The following CDH13 variants were observed in gnomAD, a reference collection of about 807,000 sequenced individuals.
CDH13 encodes the protein cadherin 13, also known as cadherin-13.
In CDH13, 24 loss-of-function variants were observed where a neutral mutation model predicts 63.8. That is an observed-to-expected ratio of 0.38 (90% CI 0.27 to 0.53). CDH13 has a LOEUF of 0.53. CDH13 is among the 20% of genes least tolerant of loss of function. CDH13 has a pLI of 0.85. For synonymous variants in CDH13, 503 were observed against 355.3 expected, an observed-to-expected ratio of 1.42 and a Z score of -4.67; for missense variants, 1,049 against 903.1, an observed-to-expected ratio of 1.16 and a Z score of -2.07.
chr16:82,909,901 C>T (rs1178807499), intron 2 of CDH13, among the ~76,000 whole-genome samples: 2 of 152,170 alleles, frequency 1.3e-5, no homozygotes, highest in Non-Finnish European at 2.9e-5. Flanking sequence ...GGACATTTTT[C>T]ATGTGCACCA....
At chr16:83,227,032 T>C (rs867760067) in intron 5 of CDH13, among the ~76,000 whole-genome samples, 15 of 152,352 alleles carry the variant, frequency 9.8e-5, no homozygotes, top group Admixed American at 8.5e-4. Flanking sequence ...GTTGTCCTCC[T>C]ACGCTGGGAC....
chr16:82,977,007 C>G (rs886490220), intron 2 of CDH13, among the ~76,000 whole-genome samples: 18 of 152,208 alleles, frequency 1.2e-4, no homozygotes, highest in African/African-American at 4.3e-4. Flanking sequence ...TCACCCCCAA[C>G]AAATGGTGCT....
intron 7 of CDH13, among the ~76,000 whole-genome samples, chr16:83,558,169 G>T (rs1468257411): frequency 6.6e-6 from 1 of 152,182 alleles, no homozygotes; most frequent in Non-Finnish European, 1.5e-5. Context: ...AGAGGGGCTA[G>T]AGTTTGAGAC....
chr16:82,672,107 C>T (rs974126239), intron 1 of CDH13, among the ~76,000 whole-genome samples: 32 of 152,222 alleles, frequency 2.1e-4, no homozygotes, highest in Middle Eastern at 6.8e-3. Context: ...GAAGCTGGGC[C>T]GATTGGATTT....
intron 6 of CDH13, among the ~76,000 whole-genome samples, chr16:83,437,697 A>G (rs374405055): frequency 3.3e-5 from 5 of 152,276 alleles, no homozygotes; most frequent in East Asian, 3.9e-4. Flanking sequence ...AATTAAAAAA[A>G]ATAAAGGCTT....
At chr16:83,166,889 C>T (rs1359139495) in intron 4 of CDH13, among the ~76,000 whole-genome samples, 3 of 152,094 alleles carry the variant, frequency 2.0e-5, no homozygotes, top group African/African-American at 7.2e-5. Context: ...TGCAAATCTC[C>T]CAAATGTTTC....
At chr16:82,846,871 C>G (rs918757280) in intron 1 of CDH13, among the ~76,000 whole-genome samples, 3 of 151,926 alleles carry the variant, frequency 2.0e-5, no homozygotes, top group African/African-American at 4.8e-5. Context: ...TTGAAAGAGG[C>G]AATTACTAAA....
chr16:82,946,855 A>G (rs1904777807), intron 2 of CDH13, among the ~76,000 whole-genome samples: 1 of 152,220 alleles, frequency 6.6e-6, no homozygotes, highest in African/African-American at 2.4e-5. Context: ...TATACATACA[A>G]TCACTAGAGT....
chr16:83,626,074 A>G (rs1910272212), intron 8 of CDH13, among the ~76,000 whole-genome samples: 1 of 151,468 alleles, frequency 6.6e-6, no homozygotes, highest in African/African-American at 2.4e-5. Context: ...GCAGTGGAAC[A>G]ATCACAGTTC....
chr16:83,381,993 A>T (rs2091576081), intron 6 of CDH13, among the ~76,000 whole-genome samples: 1 of 152,212 alleles, frequency 6.6e-6, no homozygotes, highest in Non-Finnish European at 1.5e-5. Flanking sequence ...GGACACAGGA[A>T]CGACGAAAAA....
chr16:83,442,701 C>T (rs2072514031), intron 6 of CDH13, among the ~76,000 whole-genome samples: 1 of 152,168 alleles, frequency 6.6e-6, no homozygotes, highest in African/African-American at 2.4e-5. Flanking sequence ...TGAAATTGTT[C>T]TTTAGAATCT....
chr16:83,554,730 G>T (rs972709024), intron 7 of CDH13, among the ~76,000 whole-genome samples: 8 of 152,006 alleles, frequency 5.3e-5, no homozygotes, highest in Admixed American at 5.2e-4. Context: ...CCCAGCAACT[G>T]CCTGTCCAAG....
intron 4 of CDH13, among the ~76,000 whole-genome samples, chr16:83,154,314 T>G (rs187950832): frequency 6.6e-6 from 1 of 152,166 alleles, no homozygotes; most frequent in African/African-American, 2.4e-5. Flanking sequence ...CCCAGCACTT[T>G]GGGAGGCTGA....
intron 4 of CDH13, among the ~76,000 whole-genome samples, chr16:83,194,833 GTCA>G (rs1176875467): frequency 6.6e-6 from 1 of 152,118 alleles, no homozygotes; most frequent in African/African-American, 2.4e-5. Context: ...GGCTATTACG[GTCA>G]TCATCATTTC....
chr16:83,388,992 C>T (rs554032626), intron 6 of CDH13, among the ~76,000 whole-genome samples: 1 of 152,244 alleles, frequency 6.6e-6, no homozygotes, highest in African/African-American at 2.4e-5. Flanking sequence ...TGTGAAAAAC[C>T]CATTCCCAGG....
rs148511854 is a variant in CDH13 at position 83,518,347 on chromosome 16, G to T, written c.960+31692G>T. 1.3e-4 allele frequency among the ~76,000 whole-genome samples: 19 copies of T among 151,188 alleles called. No individual in the cohort carries two copies. In the East Asian group the frequency reaches 3.2e-3, roughly 25 times the overall value. ...TTTTTAGTAGAGACGGGGTTTCATC[G>T]TGTTAGCCAGGATGGTCTCGATCTC... On this transcript the variant is annotated intron_variant, in intron 7 of 13. Coordinates refer to ENST00000567109, the MANE Select transcript of CDH13 (RefSeq NM_001257.5).
intron 2 of CDH13, among the ~76,000 whole-genome samples, chr16:82,990,670 C>T (rs1244192186): frequency 1.3e-5 from 2 of 151,966 alleles, no homozygotes; most frequent in Non-Finnish European, 2.9e-5. Context: ...CCTCAGCCTC[C>T]TGAGTAGCTA....
chr16:83,218,126 T>C (rs2039593975), intron 5 of CDH13, among the ~76,000 whole-genome samples: 1 of 152,036 alleles, frequency 6.6e-6, no homozygotes, highest in Admixed American at 6.5e-5. Context: ...GGGTTAATGG[T>C]TGTATTTGGA....
At chr16:82,860,699 C>T (rs566635744) in intron 2 of CDH13, among the ~76,000 whole-genome samples, 11 of 151,706 alleles carry the variant, frequency 7.3e-5, no homozygotes, top group African/African-American at 2.7e-4. Context: ...CATCTCAAAG[C>T]AATGAACATA....
Sources: gnomAD v4.1 joint callset for allele counts (sites outside exome capture counted in the v4.1 genomes callset) on GRCh38, gnomAD v4.1.1 for gene constraint, MANE v1.5 for transcripts, NCBI Gene and HGNC (gene_info 2026-07-23, HGNC 2026-07-21) for gene names.